Variants in TOX2 observed in about 807,000 individuals in gnomAD.
TOX2 encodes granulosa cell HMG box 1.
Under a neutral mutation model 47.4 loss-of-function variants are expected in TOX2, and 15 were observed. The ratio of observed to expected loss-of-function variants is 0.32; its 90% CI spans 0.21 to 0.49. TOX2 has a LOEUF of 0.49. Among genes scored for constraint, TOX2 ranks in the 20% least tolerant of loss-of-function variants. TOX2 has a pLI of 0.99. For missense variants in TOX2, 622 were observed against 673.1 expected, an observed-to-expected ratio of 0.92 and a Z score of 0.84; for synonymous variants, 290 against 296.6, an observed-to-expected ratio of 0.98 and a Z score of 0.23.
chr20:43,989,609 A>G (rs974966430), intron 2 of TOX2, among the ~76,000 whole-genome samples: 3 of 152,000 alleles, frequency 2.0e-5, no homozygotes, highest in Admixed American at 2.0e-4. Flanking sequence ...GAGAAACTCC[A>G]TCTCTACTAA....
At chr20:43,985,622 G>A (rs781313744) in intron 2 of TOX2, among the ~76,000 whole-genome samples, 2 of 152,160 alleles carry the variant, frequency 1.3e-5, no homozygotes, top group Non-Finnish European at 2.9e-5. Flanking sequence ...TTGGTAGTTA[G>A]CCTGAGGTGC....
intron 4 of TOX2, among the ~76,000 whole-genome samples, chr20:44,052,402 G>A (rs1316204483): frequency 6.6e-6 from 1 of 152,230 alleles, no homozygotes; most frequent in Non-Finnish European, 1.5e-5. Context: ...CAGCGAGCTA[G>A]TGGCAGAATT....
intron 1 of TOX2, chr20:43,945,776 G>T (rs2069458477): frequency 7.8e-7 from 1 of 1,276,750 alleles, no homozygotes; most frequent in African/African-American, 1.5e-5. Context: ...TTAAATAACA[G>T]GTTTTTCCAT....
At chr20:44,060,246 A>T (rs1156888799) in intron 5 of TOX2, among the ~76,000 whole-genome samples, 4 of 152,186 alleles carry the variant, frequency 2.6e-5, no homozygotes, top group African/African-American at 4.8e-5. Context: ...TCCCAAATTT[A>T]AAAAAATAAT....
intron 5 of TOX2, among the ~76,000 whole-genome samples, chr20:44,054,807 A>T (rs76910499): frequency 0.011 from 1,749 of 152,306 alleles, 37 homozygotes; most frequent in African/African-American, 0.038. Flanking sequence ...GAGAACAAGC[A>T]TCTCCATCCA....
chr20:44,041,969 G>T (rs2071338298), intron 3 of TOX2, among the ~76,000 whole-genome samples: 1 of 152,218 alleles, frequency 6.6e-6, no homozygotes, highest in South Asian at 2.1e-4. Flanking sequence ...GTGATGAGAA[G>T]AATTTGCAAT....
At chr20:43,969,657 G>A (rs1469511924) in intron 1 of TOX2, among the ~76,000 whole-genome samples, 1 of 152,156 alleles carries the variant, frequency 6.6e-6, no homozygotes, top group East Asian at 1.9e-4. Flanking sequence ...AGGCCTCCCC[G>A]CCCACTCAGG....
At chr20:44,001,417 A>T (rs6065684) in intron 2 of TOX2, among the ~76,000 whole-genome samples, 105,792 of 152,164 alleles carry the variant, frequency 0.7, 37,145 homozygotes, top group African/African-American at 0.77. Flanking sequence ...CAAGTTGTTT[A>T]GTGTTCAGTG....
At chr20:43,978,545 C>T (rs578117047) in intron 2 of TOX2, among the ~76,000 whole-genome samples, 2 of 152,172 alleles carry the variant, frequency 1.3e-5, no homozygotes, top group Non-Finnish European at 2.9e-5. Flanking sequence ...CTCTTGCGCT[C>T]ATTTACAACT....
At chr20:43,969,368 TG>T (rs2069921032) in intron 1 of TOX2, among the ~76,000 whole-genome samples, 1 of 152,168 alleles carries the variant, frequency 6.6e-6, no homozygotes, top group South Asian at 2.1e-4. Context: ...GGTGTAGATG[TG>T]GGTGTTTTTG....
At chr20:43,966,326 A>G (rs796923723) in intron 1 of TOX2, among the ~76,000 whole-genome samples, 1 of 152,206 alleles carries the variant, frequency 6.6e-6, no homozygotes, top group Admixed American at 6.5e-5. Flanking sequence ...GTCCAAGAAT[A>G]TGGGTTTATA....
chr20:43,994,076 G>A (rs1390118604), intron 2 of TOX2, among the ~76,000 whole-genome samples: 2 of 152,040 alleles, frequency 1.3e-5, no homozygotes, highest in Non-Finnish European at 2.9e-5. Context: ...GCTTGAATCC[G>A]GGAGATTGAG....
At chr20:44,041,168 C>G (rs183850912) in intron 3 of TOX2, among the ~76,000 whole-genome samples, 76 of 152,316 alleles carry the variant, frequency 5.0e-4, no homozygotes, top group African/African-American at 1.8e-3. Context: ...AGCAGGGTGG[C>G]CTTTAGCACC....
At chr20:44,028,695 A>G (rs1045511982) in intron 3 of TOX2, among the ~76,000 whole-genome samples, 2 of 152,104 alleles carry the variant, frequency 1.3e-5, no homozygotes, top group African/African-American at 4.8e-5. Flanking sequence ...ATGGGGGAGG[A>G]AAGGTTCCCT....
intron 5 of TOX2, among the ~76,000 whole-genome samples, chr20:44,058,875 A>G (rs993829330): frequency 6.6e-6 from 1 of 152,222 alleles, no homozygotes; most frequent in Non-Finnish European, 1.5e-5. Context: ...GAGAATCTGA[A>G]TAGCAGCCTT....
chr20:43,930,754 T>A (rs1004182895), intron 1 of TOX2, among the ~76,000 whole-genome samples: 3 of 152,166 alleles, frequency 2.0e-5, no homozygotes, highest in African/African-American at 4.8e-5. Context: ...TTTAAAAAAA[T>A]TAAACTGTAA....
At chr20:44,036,131 C>A (rs955591008) in intron 3 of TOX2, among the ~76,000 whole-genome samples, 1 of 152,228 alleles carries the variant, frequency 6.6e-6, no homozygotes, top group African/African-American at 2.4e-5. Flanking sequence ...AGCCCATATG[C>A]CCGGCAGCTG....
chr20:43,990,308 C>T (rs1005522698), intron 2 of TOX2, among the ~76,000 whole-genome samples: 10 of 152,164 alleles, frequency 6.6e-5, no homozygotes, highest in Admixed American at 2.6e-4. Flanking sequence ...CTGGTAACTC[C>T]GTAGGTTGCA....
rs879446805 is a variant in TOX2, at chr20:43,915,880, C to G, written c.99+890C>G. Reference sequence around the variant, plus strand: ...TCTATCCCCCCACCCCAGCCAGGTCCCAGCTGCGCTGCGCCGGGCGCATTC... The same window carrying G: ...TCTATCCCCCCACCCCAGCCAGGTCGCAGCTGCGCTGCGCCGGGCGCATTC... On this transcript the variant is annotated intron_variant, in intron 1 of 8. Transcript: ENST00000341197. This position sits in a 1 kb window ranked among gnomAD's most constrained non-coding sequence, Gnocchi z 7.1. 9.9e-5 allele frequency among the ~76,000 whole-genome samples: 15 copies of G among 152,260 alleles called. No individual in the cohort carries two copies. The highest frequency in any genetic ancestry group is 1.8e-4 in the Non-Finnish European group (12 of 68,044).
Sources: gnomAD v4.1 joint callset for allele counts (sites outside exome capture counted in the v4.1 genomes callset) on GRCh38, gnomAD v4.1.1 for gene constraint, Gnocchi (gnomAD v3.1) non-coding constraint, MANE v1.5 for transcripts, NCBI Gene and HGNC (gene_info 2026-07-23, HGNC 2026-07-21) for gene names.